The following TRAPPC9 variants were observed in gnomAD, a reference collection of about 807,000 sequenced individuals.
TRAPPC9 encodes the protein trafficking protein particle complex subunit 9, also known as IKK2 binding protein.
A neutral mutation model predicts 124.0 loss-of-function variants in TRAPPC9; 83 were observed. The observed-to-expected ratio is 0.67, with a 90% CI of 0.56 to 0.80. The LOEUF (loss-of-function observed/expected upper bound fraction) is 0.80, where lower values mean the gene tolerates loss of function less well. Among genes scored for constraint, TRAPPC9 ranks in the 30% least tolerant of loss-of-function variants. The probability of loss-of-function intolerance (pLI) is 0.00; values close to 1 mark genes in which losing one functional copy is unlikely to be tolerated. For missense variants in TRAPPC9, 1,302 were observed against 1,508.3 expected, an observed-to-expected ratio of 0.86 and a Z score of 2.27; for synonymous variants, 638 against 617.5, an observed-to-expected ratio of 1.03 and a Z score of -0.49.
intron 18 of TRAPPC9, among the ~76,000 whole-genome samples, chr8:139,990,003 G>A (rs991302914): frequency 2.5e-4 from 38 of 152,294 alleles, no homozygotes; most frequent in Admixed American, 1.2e-3. Flanking sequence ...CTTCTTGGAA[G>A]AGCAGGGTAA....
rs59664229 is a variant in TRAPPC9, at chr8:140,419,452, AC to A, written c.886+7162del. Among the ~76,000 whole-genome samples the A allele has an allele frequency of 8.1e-3, 1,073 of 132,768 alleles. 21 individuals carry two copies. The highest frequency in any genetic ancestry group is 0.026 in the Admixed American group (320 of 12,118). The allele number at this position is 132,768 out of a possible 152,430, so 87.1% of individuals were successfully genotyped here. On this transcript the variant is annotated intron_variant, in intron 5 of 22. Transcript: ENST00000438773. ...TCAAAAAAAAAAAAAAAAAAAAAAA[AC>A]AAAACAAAACAAAAAACGAGGCATA...
chr8:139,729,107 C>G lies in TRAPPC9; in HGVS notation c.*1954G>C, dbSNP rs1817684210. 6.6e-6 allele frequency among the ~76,000 whole-genome samples: 1 copy of G among 152,184 alleles called. No homozygotes were observed. Among genetic ancestry groups the G allele is most frequent in the South Asian group, 2.1e-4 (1 of 4,826 alleles). ...AAGTACGTACTCAAGTCCCCGGTGA[C>G]CAGCACCCTCATGCTGACATCAGAT... is the stretch of plus-strand genomic sequence containing the variant. On this transcript the variant is annotated 3_prime_UTR_variant, in exon 23 of 23. Transcript: ENST00000438773.
intron 17 of TRAPPC9, among the ~76,000 whole-genome samples, chr8:140,074,595 G>C (rs368094466): frequency 1.5e-3 from 231 of 152,300 alleles, no homozygotes; most frequent in African/African-American, 5.3e-3. Context: ...CTGGGCTCTC[G>C]TTGTCAGACA....
chr8:139,795,184 G>A (rs967869733), intron 21 of TRAPPC9, among the ~76,000 whole-genome samples: 3 of 151,940 alleles, frequency 2.0e-5, no homozygotes, highest in South Asian at 2.1e-4. Context: ...GGGAAGGCCC[G>A]GGGGCCCAGG....
At chr8:140,210,896 C>A (rs2063046436) in intron 17 of TRAPPC9, among the ~76,000 whole-genome samples, 1 of 152,200 alleles carries the variant, frequency 6.6e-6, no homozygotes. Flanking sequence ...TTTTCCTCGC[C>A]GCTGATGGGA....
chr8:139,977,836 A>G (rs146372859), intron 19 of TRAPPC9, among the ~76,000 whole-genome samples: 3 of 151,002 alleles, frequency 2.0e-5, no homozygotes, highest in African/African-American at 7.3e-5. Context: ...GTGTGCCACC[A>G]CGCCCGGCTA....
At chr8:139,734,863 G>A (rs1051725969) in intron 21 of TRAPPC9, among the ~76,000 whole-genome samples, 1 of 152,256 alleles carries the variant, frequency 6.6e-6, no homozygotes, top group Non-Finnish European at 1.5e-5. Flanking sequence ...CATCAGGGAA[G>A]GCTTCCTGGA....
At chr8:139,748,249 G>C (rs377549942) in intron 21 of TRAPPC9, among the ~76,000 whole-genome samples, 145 of 56,024 alleles carry the variant, frequency 2.6e-3, no homozygotes, top group South Asian at 0.018. Context: ...GCAGGTGTCA[G>C]AGCAGGTAGG....
chr8:139,942,523 C>G (rs1315206426), intron 19 of TRAPPC9, among the ~76,000 whole-genome samples: 2 of 152,172 alleles, frequency 1.3e-5, no homozygotes. Flanking sequence ...ATAGGTGTAA[C>G]AAGAGTTCCA....
intron 11 of TRAPPC9, among the ~76,000 whole-genome samples, chr8:140,299,294 G>C (rs1052932396): frequency 1.3e-5 from 2 of 152,128 alleles, no homozygotes; most frequent in African/African-American, 4.8e-5. Context: ...GAGCGGGAGG[G>C]GTGTGGGCAG....
chr8:139,838,513 G>A (rs1826507466), intron 21 of TRAPPC9, among the ~76,000 whole-genome samples: 1 of 152,208 alleles, frequency 6.6e-6, no homozygotes, highest in Non-Finnish European at 1.5e-5. Flanking sequence ...CCTTTCTGGT[G>A]TGGGCCATTT....
intron 19 of TRAPPC9, among the ~76,000 whole-genome samples, chr8:139,941,048 T>C (rs934370158): frequency 1.3e-5 from 2 of 152,228 alleles, no homozygotes; most frequent in African/African-American, 4.8e-5. Flanking sequence ...ACCCACATGA[T>C]TGGTTCTGTG....
At chr8:140,300,367 G>T in intron 11 of TRAPPC9, 102 bp downstream of exon 11, 1 of 1,478,478 alleles carries the variant, frequency 6.8e-7, no homozygotes, top group Non-Finnish European at 9.4e-7. Flanking sequence ...GCACACACAT[G>T]CACATGCATG....
intron 20 of TRAPPC9, among the ~76,000 whole-genome samples, chr8:139,901,173 C>T (rs917125176): frequency 6.6e-6 from 1 of 152,016 alleles, no homozygotes; most frequent in African/African-American, 2.4e-5. Context: ...TCTGGGGTGG[C>T]GGTGACTTCA....
At position 140,216,347 on chromosome 8, in the gene TRAPPC9, C is replaced by G. The variant is rs2063193804; in HGVS notation, c.2556+5112G>C. 6.6e-6 allele frequency among the ~76,000 whole-genome samples: 1 copy of G among 152,174 alleles called. No homozygotes were observed. The highest frequency in any genetic ancestry group is 2.4e-5 in the African/African-American group (1 of 41,424). Reference sequence around the variant, plus strand: ...ATTCCAAAGAAAAACAGCACATTCACCCTTGCAACACTCAATTGAAGAAAA... The same window carrying G: ...ATTCCAAAGAAAAACAGCACATTCAGCCTTGCAACACTCAATTGAAGAAAA... On this transcript the variant is annotated intron_variant, in intron 17 of 22. Transcript: ENST00000438773. The surrounding 1 kb of genome is among the most constrained non-coding windows in gnomAD (Gnocchi z 4.1).
chr8:140,174,397 T>C (rs1311499435), intron 17 of TRAPPC9, among the ~76,000 whole-genome samples: 1 of 151,782 alleles, frequency 6.6e-6, no homozygotes, highest in Non-Finnish European at 1.5e-5. Context: ...AAAAATAAAA[T>C]AAATTGAGGT....
chr8:140,214,807 G>A (rs1395209926), intron 17 of TRAPPC9, among the ~76,000 whole-genome samples: 8 of 152,118 alleles, frequency 5.3e-5, no homozygotes, highest in Non-Finnish European at 8.8e-5. Context: ...GCTAAATGGA[G>A]GAAGGCATCT....
chr8:140,274,839 C>G (rs1406604829), intron 15 of TRAPPC9, among the ~76,000 whole-genome samples: 1 of 152,168 alleles, frequency 6.6e-6, no homozygotes, highest in Non-Finnish European at 1.5e-5. Context: ...TTAACCAGAA[C>G]CAGTCAAACT....
In TRAPPC9 at chr8:140,308,237, A is replaced by T. The variant is rs116968535; in HGVS notation, c.1622+3011T>A. Reference sequence around the variant, plus strand: ...GGACCAAGGAAATAGGGCGCTCACAATCAAAGCTGGAGACAGGGCAGGCCA... The same window carrying T: ...GGACCAAGGAAATAGGGCGCTCACATTCAAAGCTGGAGACAGGGCAGGCCA... On this transcript the variant is annotated intron_variant, in intron 10 of 22. Coordinates refer to ENST00000438773, the MANE Select transcript of TRAPPC9 (RefSeq NM_001160372.4). Among the ~76,000 whole-genome samples the T allele has an allele frequency of 2.2e-3, 328 of 151,898 alleles. 1 individual carries two copies. Among genetic ancestry groups the T allele is most frequent in the Non-Finnish European group, 3.6e-3 (244 of 67,962 alleles).
Sources: gnomAD v4.1 joint callset for allele counts (sites outside exome capture counted in the v4.1 genomes callset) on GRCh38, gnomAD v4.1.1 for gene constraint, Gnocchi (gnomAD v3.1) non-coding constraint, MANE v1.5 for transcripts, NCBI Gene and HGNC (gene_info 2026-07-23, HGNC 2026-07-21) for gene names.